Variants in HS6ST3 observed in about 807,000 individuals in gnomAD.
The protein encoded by HS6ST3 is heparan sulfate 6-O-sulfotransferase 3, also known as heparan-sulfate 6-O-sulfotransferase 3.
In HS6ST3, 12 loss-of-function variants were observed where a neutral mutation model predicts 36.7. The observed-to-expected ratio is 0.33, with a 90% CI of 0.21 to 0.53. HS6ST3 has a LOEUF of 0.53. Among genes scored for constraint, HS6ST3 ranks in the 20% least tolerant of loss-of-function variants. The pLI, the probability that HS6ST3 is intolerant of heterozygous loss-of-function variation, is 0.95. For synonymous variants in HS6ST3, 240 were observed against 257.5 expected, an observed-to-expected ratio of 0.93 and a Z score of 0.65; for missense variants, 584 against 640.9, an observed-to-expected ratio of 0.91 and a Z score of 0.96.
chr13:96,188,212 A>T (rs2054273191), intron 1 of HS6ST3, among the ~76,000 whole-genome samples: 1 of 152,228 alleles, frequency 6.6e-6, no homozygotes. Context: ...TTGACATAGT[A>T]TGATATGTAG....
At chr13:96,628,432 A>G (rs2056520605) in intron 1 of HS6ST3, among the ~76,000 whole-genome samples, 1 of 151,932 alleles carries the variant, frequency 6.6e-6, no homozygotes, top group South Asian at 2.1e-4. Context: ...CTTCTGGACA[A>G]TTTTTATAAA....
intron 1 of HS6ST3, among the ~76,000 whole-genome samples, chr13:96,530,883 G>C (rs907805487): frequency 6.6e-6 from 1 of 152,046 alleles, no homozygotes; most frequent in African/African-American, 2.4e-5. Context: ...AGAATCACCT[G>C]GGTTCTTGTC....
At chr13:96,740,221 T>C (rs777444582) in intron 1 of HS6ST3, among the ~76,000 whole-genome samples, 4 of 152,192 alleles carry the variant, frequency 2.6e-5, no homozygotes, top group African/African-American at 7.2e-5. Context: ...CACTCTCATA[T>C]GCCCCGAATT....
At chr13:96,199,837 G>A (rs1362850625) in intron 1 of HS6ST3, among the ~76,000 whole-genome samples, 3 of 151,928 alleles carry the variant, frequency 2.0e-5, no homozygotes, top group East Asian at 3.9e-4. Context: ...CAAAGGATGT[G>A]CAGATTCTGG....
intron 1 of HS6ST3, among the ~76,000 whole-genome samples, chr13:96,300,360 G>T (rs2054876181): frequency 6.6e-6 from 1 of 151,760 alleles, no homozygotes; most frequent in South Asian, 2.1e-4. Flanking sequence ...CCTGGCCGTG[G>T]TACACATTTT....
At chr13:96,787,519 T>G in intron 1 of HS6ST3, among the ~76,000 whole-genome samples, 1 of 152,152 alleles carries the variant, frequency 6.6e-6, no homozygotes, top group African/African-American at 2.4e-5. Flanking sequence ...TTGCATTTCC[T>G]TAATGAGTAA....
intron 1 of HS6ST3, among the ~76,000 whole-genome samples, chr13:96,417,732 T>TCACACACACACACACACA (rs1211935095): frequency 4.4e-5 from 6 of 137,300 alleles, no homozygotes; most frequent in African/African-American, 1.6e-4. Context: ...ATAGCTTATT[T>TCACACACACACACACACA]CACACACACA....
In HS6ST3 at chr13:96,091,199, G is replaced by A. The variant is rs1268310394; in HGVS notation, c.337G>A (p.Glu113Lys). ...GGAGGAGGAAGACGAGCCGGACCCC[G>A]AGGCCCCGGAAAACGGCTCCCTGCC... ...EEEEEDEPDP[E>K]APENGSLPRF... The change falls in exon 1 of 2, where the codon GAG (glutamate) becomes AAG (lysine). Residue 113 changes from glutamate to lysine, a missense_variant. Physicochemically the swap from Glu to Lys is moderately conservative, Grantham distance 56 (BLOSUM62 1). Coordinates refer to ENST00000376705, the MANE Select transcript of HS6ST3 (RefSeq NM_153456.4). 1.9e-6 allele frequency: 3 copies of A among 1,558,512 alleles called. No homozygotes were observed. In the Admixed American group the frequency reaches 5.8e-5, roughly 30 times the overall value.
chr13:96,377,047 A>G (rs972875372), intron 1 of HS6ST3, among the ~76,000 whole-genome samples: 2 of 147,846 alleles, frequency 1.4e-5, no homozygotes, highest in East Asian at 3.9e-4. Flanking sequence ...ATTTATCAAT[A>G]TATTATAATA....
At chr13:96,791,120 C>T (rs1421073541) in intron 1 of HS6ST3, among the ~76,000 whole-genome samples, 1 of 151,944 alleles carries the variant, frequency 6.6e-6, no homozygotes, top group African/African-American at 2.4e-5. Flanking sequence ...TCAAGTTTTG[C>T]AACATGAAAT....
intron 1 of HS6ST3, among the ~76,000 whole-genome samples, chr13:96,336,725 T>C (rs2055103069): frequency 6.6e-6 from 1 of 152,214 alleles, no homozygotes; most frequent in Non-Finnish European, 1.5e-5. Context: ...TCTGTGATAT[T>C]TATTACGGTA....
At chr13:96,601,597 C>T (rs1370288824) in intron 1 of HS6ST3, among the ~76,000 whole-genome samples, 1 of 151,990 alleles carries the variant, frequency 6.6e-6, no homozygotes, top group East Asian at 1.9e-4. Flanking sequence ...ATTTTGGATA[C>T]TTTGTCTGGT....
chr13:96,550,324 A>G (rs2056214951), intron 1 of HS6ST3, among the ~76,000 whole-genome samples: 1 of 152,066 alleles, frequency 6.6e-6, no homozygotes, highest in Non-Finnish European at 1.5e-5. Context: ...CTCTCTTGCC[A>G]TGTGACATGC....
chr13:96,656,808 T>G (rs981074498), intron 1 of HS6ST3, among the ~76,000 whole-genome samples: 1 of 152,106 alleles, frequency 6.6e-6, no homozygotes, highest in African/African-American at 2.4e-5. Context: ...AACCTTACAT[T>G]TCATAGCAAA....
chr13:96,239,470 G>A (rs1463069394), intron 1 of HS6ST3, among the ~76,000 whole-genome samples: 2 of 152,072 alleles, frequency 1.3e-5, no homozygotes, highest in Non-Finnish European at 2.9e-5. Context: ...CAATTATAAC[G>A]GGTGGTTTAA....
chr13:96,271,344 T>C (rs191436811), intron 1 of HS6ST3, among the ~76,000 whole-genome samples: 1 of 151,888 alleles, frequency 6.6e-6, no homozygotes, highest in Non-Finnish European at 1.5e-5. Flanking sequence ...AATTTAAAAT[T>C]TATATAATTT....
intron 1 of HS6ST3, among the ~76,000 whole-genome samples, chr13:96,267,206 C>A (rs1405309349): frequency 2.0e-5 from 3 of 152,162 alleles, no homozygotes; most frequent in Non-Finnish European, 4.4e-5. Flanking sequence ...TTTGAGGCCT[C>A]CCCAGCCATG....
intron 1 of HS6ST3, among the ~76,000 whole-genome samples, chr13:96,703,221 A>C (rs1875333314): frequency 6.6e-6 from 1 of 152,232 alleles, no homozygotes; most frequent in Non-Finnish European, 1.5e-5. Flanking sequence ...GGTAGCTTCC[A>C]CTGAAGACTA....
At chr13:96,247,910 A>G (rs897350981) in intron 1 of HS6ST3, among the ~76,000 whole-genome samples, 3 of 152,204 alleles carry the variant, frequency 2.0e-5, no homozygotes, top group African/African-American at 7.2e-5. Context: ...TTATAGGGAT[A>G]GGGTTAGTTG....
Sources: gnomAD v4.1 joint callset for allele counts (sites outside exome capture counted in the v4.1 genomes callset) on GRCh38, gnomAD v4.1.1 for gene constraint, MANE v1.5 for transcripts, NCBI Gene and HGNC (gene_info 2026-07-23, HGNC 2026-07-21) for gene names.